Variants in DNAH14 observed in about 807,000 individuals in gnomAD.
DNAH14 encodes the protein axonemal beta dynein heavy chain 14.
Under a neutral mutation model 520.9 loss-of-function variants are expected in DNAH14, and 478 were observed. The observed-to-expected ratio is 0.92, with a 90% CI of 0.85 to 0.99. DNAH14 has a LOEUF of 0.99. Ranked by LOEUF, DNAH14 falls within the 50% of genes least tolerant of loss-of-function variation. DNAH14 has a pLI of 0.00. For synonymous variants in DNAH14, 1,581 were observed against 1,757.2 expected, an observed-to-expected ratio of 0.90 and a Z score of 2.51; for missense variants, 4,831 against 5,234.5, an observed-to-expected ratio of 0.92 and a Z score of 2.38.
chr1:225,202,548 C>T (rs1230341247), intron 38 of DNAH14, among the ~76,000 whole-genome samples: 1 of 152,130 alleles, frequency 6.6e-6, no homozygotes, highest in Non-Finnish European at 1.5e-5. Context: ...TGTGTCCCCG[C>T]AATAGCACCG....
At chr1:225,173,148 TA>T (rs1324431753) in intron 36 of DNAH14, among the ~76,000 whole-genome samples, 1 of 152,174 alleles carries the variant, frequency 6.6e-6, no homozygotes, top group Non-Finnish European at 1.5e-5. Flanking sequence ...CCTAAAACCA[TA>T]AAAACCCTAG....
chr1:224,932,254 C>T (rs1270747795), intron 1 of DNAH14, among the ~76,000 whole-genome samples: 2 of 152,034 alleles, frequency 1.3e-5, no homozygotes, highest in Non-Finnish European at 2.9e-5. Flanking sequence ...TACATGTCTT[C>T]TTTTAAGAAA....
rs1332628483 is a variant in DNAH14, at chr1:225,206,948, A to G, written c.6187-20A>G. 5.5e-6 allele frequency: 8 copies of G among 1,454,732 alleles called. No individual in the cohort carries two copies. Among genetic ancestry groups the G allele is most frequent in the Non-Finnish European group, 7.3e-6 (8 of 1,103,138 alleles). 90.1% of individuals were successfully genotyped at this position (1,454,732 alleles called of 1,614,324 possible). A position where few individuals can be genotyped will look rare whatever the true frequency, so the allele number is the denominator to read the frequency against. ...TTTTTATTTATTTACATAAGATTAT[A>G]TTTTGCTCCTTATTATTAGGATCCT... On this transcript the variant is annotated intron_variant, in intron 40 of 85. Coordinates refer to ENST00000682510, the MANE Select transcript of DNAH14 (RefSeq NM_001367479.1).
intron 71 of DNAH14, among the ~76,000 whole-genome samples, chr1:225,348,365 G>GGT (rs1391254814): frequency 6.6e-6 from 1 of 151,970 alleles, no homozygotes; most frequent in African/African-American, 2.4e-5. Flanking sequence ...AAAACATACA[G>GGT]GTTCAAGAGT....
intron 17 of DNAH14, among the ~76,000 whole-genome samples, chr1:225,064,707 A>T (rs961725397): frequency 6.6e-6 from 1 of 152,058 alleles, no homozygotes; most frequent in African/African-American, 2.4e-5. Flanking sequence ...ATGAAACTTG[A>T]CAAGACAAAT....
intron 38 of DNAH14, among the ~76,000 whole-genome samples, chr1:225,198,221 ATTT>A (rs35210664): frequency 8.0e-4 from 116 of 144,794 alleles, no homozygotes; most frequent in Non-Finnish European, 5.7e-4. Context: ...TTGTATGCCA[ATTT>A]TTTTTTTTTT....
At chr1:225,363,607 G>T (rs1349460074) in intron 75 of DNAH14, among the ~76,000 whole-genome samples, 1 of 152,152 alleles carries the variant, frequency 6.6e-6, no homozygotes, top group South Asian at 2.1e-4. Flanking sequence ...AAAAGTACAA[G>T]CTAGTTACAG....
chr1:225,361,345 G>A (rs1429878859), intron 75 of DNAH14, among the ~76,000 whole-genome samples: 1 of 152,116 alleles, frequency 6.6e-6, no homozygotes, highest in Admixed American at 6.5e-5. Flanking sequence ...TTTCTAGGCT[G>A]TACCTCCCAA....
chr1:225,007,689 AT>A, intron 10 of DNAH14, 145 bp downstream of exon 10: 1 of 471,006 alleles, frequency 2.1e-6, no homozygotes, highest in Non-Finnish European at 3.4e-6. Flanking sequence ...GGTACTATGT[AT>A]TTACTATATA....
At chr1:225,179,394 T>C (rs2083708258) in intron 36 of DNAH14, among the ~76,000 whole-genome samples, 1 of 152,172 alleles carries the variant, frequency 6.6e-6, no homozygotes, top group African/African-American at 2.4e-5. Context: ...CTATAATAGG[T>C]TTTTGCTTTG....
chr1:225,398,779 T>C (rs2096060270), intron 85 of DNAH14, 113 bp downstream of exon 85: 2 of 1,370,240 alleles, frequency 1.5e-6, no homozygotes, highest in African/African-American at 1.5e-5. Flanking sequence ...TGTGATAATA[T>C]ACTCAGACAA....
At chr1:225,387,080 CT>C (rs2095849545) in intron 81 of DNAH14, among the ~76,000 whole-genome samples, 1 of 152,098 alleles carries the variant, frequency 6.6e-6, no homozygotes, top group African/African-American at 2.4e-5. Context: ...AGTTCATGTC[CT>C]TTGTAGGGAC....
intron 8 of DNAH14, among the ~76,000 whole-genome samples, chr1:225,001,505 A>G (rs2063771462): frequency 6.6e-6 from 1 of 152,152 alleles, no homozygotes; most frequent in Non-Finnish European, 1.5e-5. Context: ...CTTATGCTTG[A>G]AGACAGTCAT....
intron 34 of DNAH14, among the ~76,000 whole-genome samples, chr1:225,156,751 G>T: frequency 9.7e-6 from 1 of 102,728 alleles, no homozygotes; most frequent in East Asian, 3.5e-4. Context: ...GTCTCGCTCT[G>T]TCGCCCAGGC....
At chr1:225,024,346 C>A in intron 11 of DNAH14, 2 of 805,448 alleles carry the variant, frequency 2.5e-6, no homozygotes, top group Non-Finnish European at 3.0e-6. Context: ...AATGAAAAAA[C>A]TATCTGAAAA....
At chr1:225,039,738 C>T (rs2067279768) in intron 12 of DNAH14, among the ~76,000 whole-genome samples, 1 of 149,692 alleles carries the variant, frequency 6.7e-6, no homozygotes, top group African/African-American at 2.4e-5. Context: ...ATTAGCCGGG[C>T]GTAGTGGCGG....
intron 17 of DNAH14, among the ~76,000 whole-genome samples, chr1:225,062,441 G>A (rs1257757757): frequency 6.6e-6 from 1 of 152,130 alleles, no homozygotes; most frequent in Non-Finnish European, 1.5e-5. Context: ...TCTGCCTGGG[G>A]ATAGTTTTTG....
At position 225,153,691 on chromosome 1, in the gene DNAH14, T is replaced by C. The variant is rs569764511; in HGVS notation, c.5197-59T>C. ...TAATTTACCTATATACTGTGTGCAT[T>C]TGTTTTCATATTTTTTCTTTAGAAA... is the stretch of plus-strand genomic sequence containing the variant. On this transcript the variant is annotated intron_variant, in intron 33 of 85. Transcript: ENST00000682510. 3.7e-5 allele frequency: 47 copies of C among 1,263,104 alleles called. 1 individual carries two copies. The Middle Eastern group carries it at 8.3e-4, about 22-fold the overall frequency. The allele number at this position is 1,263,104 out of a possible 1,614,324, so 78.2% of individuals were successfully genotyped here.
At chr1:225,398,424 A>C (rs1018176879) in intron 84 of DNAH14, 96 bp from the exon 85 acceptor site, 4 of 1,404,000 alleles carry the variant, frequency 2.8e-6, no homozygotes, top group Non-Finnish European at 2.9e-6. Context: ...AGGCAGGATG[A>C]GCCCCTCTGG....
Sources: allele counts gnomAD v4.1 joint callset (sites outside exome capture counted in the v4.1 genomes callset), GRCh38; gene constraint gnomAD v4.1.1; transcripts MANE v1.5; gene names NCBI Gene and HGNC (gene_info 2026-07-23, HGNC 2026-07-21).